Variants in DACH2 observed in about 807,000 individuals in gnomAD.
DACH2 encodes dachshund homolog 2.
DACH2 carries 17 observed loss-of-function variants against 35.8 expected under a neutral mutation model. That is an observed-to-expected ratio of 0.48 (90% CI 0.33 to 0.71). The LOEUF is 0.71. Ranked by LOEUF, DACH2 falls within the 30% of genes least tolerant of loss-of-function variation. The probability of loss-of-function intolerance (pLI) is 0.02; values close to 1 mark genes in which losing one functional copy is unlikely to be tolerated. For synonymous variants in DACH2, 195 were observed against 177.3 expected, an observed-to-expected ratio of 1.10 and a Z score of -0.79; for missense variants, 469 against 472.7, an observed-to-expected ratio of 0.99 and a Z score of 0.07.
intron 3 of DACH2, among the ~76,000 whole-genome samples, chrX:86,641,118 C>T (rs1036245522): frequency 1.8e-5 from 2 of 111,727 alleles, no homozygotes; most frequent in Non-Finnish European, 3.8e-5. Flanking sequence ...CCTGGAATAA[C>T]AGAAATAGAA....
chrX:86,654,201 A>AC (rs1446876407), intron 4 of DACH2, among the ~76,000 whole-genome samples: 1 of 106,802 alleles, frequency 9.4e-6, no homozygotes, highest in Non-Finnish European at 1.9e-5. Context: ...AAAAAAAAAA[A>AC]AAAAAAAAAA....
At chrX:86,397,105 C>T (rs1411464582) in intron 2 of DACH2, among the ~76,000 whole-genome samples, 6 of 110,143 alleles carry the variant, frequency 5.4e-5, no homozygotes, top group Non-Finnish European at 9.5e-5. Flanking sequence ...AGGTCCTTCA[C>T]ATCCCTTGTA....
Position 86,702,163 on chromosome X carries a change from C to T in DACH2, c.931+6984C>T, listed in dbSNP as rs190236895. On this transcript the variant is annotated intron_variant, in intron 5 of 11. Transcript: ENST00000373125. ...GAACATGGAAATTAAACAATCTGCT[C>T]TTGAAAGATTTTTGGTTTGACAATA... is the stretch of plus-strand genomic sequence containing the variant. Among the ~76,000 whole-genome samples the T allele has an allele frequency of 3.6e-3, 404 of 111,637 alleles. 2 individuals are homozygous for T. Among genetic ancestry groups the T allele is most frequent in the African/African-American group, 0.012 (369 of 30,810 alleles).
chrX:86,372,779 G>T (rs1158068820), intron 1 of DACH2, among the ~76,000 whole-genome samples: 2 of 111,040 alleles, frequency 1.8e-5, no homozygotes, highest in African/African-American at 6.5e-5. Context: ...CTCAGGTAGA[G>T]AGCATAGTAC....
At chrX:86,379,085 A>T (rs1443725015) in intron 2 of DACH2, among the ~76,000 whole-genome samples, 2 of 111,274 alleles carry the variant, frequency 1.8e-5, no homozygotes, top group Non-Finnish European at 3.8e-5. Flanking sequence ...TTTAAAGTCC[A>T]ATTTATTTTG....
At chrX:86,574,180 G>C (rs1457258157) in intron 3 of DACH2, among the ~76,000 whole-genome samples, 3 of 110,947 alleles carry the variant, frequency 2.7e-5, no homozygotes, top group African/African-American at 9.8e-5. Flanking sequence ...AAATTGGGTG[G>C]AATTTGTTCT....
At chrX:86,650,702 G>A (rs752605857) in intron 3 of DACH2, among the ~76,000 whole-genome samples, 18 of 111,144 alleles carry the variant, frequency 1.6e-4, no homozygotes, top group Admixed American at 8.7e-4. Flanking sequence ...TTGGGGATCA[G>A]ATATATATTT....
At chrX:86,744,671 G>A (rs773508360) in intron 7 of DACH2, among the ~76,000 whole-genome samples, 1 of 111,598 alleles carries the variant, frequency 9.0e-6, no homozygotes, top group South Asian at 3.7e-4. Flanking sequence ...CTCAAAGTCT[G>A]CATGACCTGA....
At chrX:86,508,451 T>C (rs1257893780) in intron 2 of DACH2, among the ~76,000 whole-genome samples, 1 of 109,608 alleles carries the variant, frequency 9.1e-6, no homozygotes, top group East Asian at 2.9e-4. Context: ...TCCCAGCTAC[T>C]TGGGAGGCTG....
intron 1 of DACH2, among the ~76,000 whole-genome samples, chrX:86,255,630 C>A (rs192516471): frequency 9.0e-6 from 1 of 111,361 alleles, no homozygotes; most frequent in African/African-American, 3.3e-5. Flanking sequence ...AGCACACGAC[C>A]GTGTTTGTAG....
chrX:86,467,325 A>G (rs1275099945), intron 2 of DACH2, among the ~76,000 whole-genome samples: 2 of 111,196 alleles, frequency 1.8e-5, no homozygotes, highest in Non-Finnish European at 3.8e-5. Flanking sequence ...CTCTTTCCTA[A>G]AGCATACAAG....
At chrX:86,181,191 T>TCTATCTAG (rs895406813) in intron 1 of DACH2, among the ~76,000 whole-genome samples, 2 of 109,832 alleles carry the variant, frequency 1.8e-5, no homozygotes, top group African/African-American at 6.7e-5. Context: ...TATCTATCTA[T>TCTATCTAG]TTTTCAAATT....
intron 3 of DACH2, among the ~76,000 whole-genome samples, chrX:86,554,864 A>G (rs1233226648): frequency 8.9e-6 from 1 of 111,898 alleles, no homozygotes; most frequent in African/African-American, 3.2e-5. Context: ...TATGTGGTAT[A>G]TTTTTTAAAA....
At chrX:86,390,697 C>T (rs959002703) in intron 2 of DACH2, among the ~76,000 whole-genome samples, 2 of 110,179 alleles carry the variant, frequency 1.8e-5, no homozygotes, top group African/African-American at 6.6e-5. Context: ...TCAAGCGATT[C>T]TGCTGCCTCA....
In DACH2 at chrX:86,788,967, C is replaced by T. The variant is rs73512609; in HGVS notation, c.1241-23889C>T. On this transcript the variant is annotated intron_variant, in intron 7 of 11. Coordinates refer to ENST00000373125, the MANE Select transcript of DACH2 (RefSeq NM_053281.3). Reference sequence around the variant, plus strand: ...TTCTCCTGATTTGTCCTTACTTATACGGTTAGCTTTCCACTTTTTGAGAAT... The same window carrying T: ...TTCTCCTGATTTGTCCTTACTTATATGGTTAGCTTTCCACTTTTTGAGAAT... 2.7e-3 allele frequency among the ~76,000 whole-genome samples: 302 copies of T among 111,556 alleles called. 2 individuals carry two copies. Among genetic ancestry groups the T allele is most frequent in the African/African-American group, 9.0e-3 (276 of 30,701 alleles).
intron 3 of DACH2, among the ~76,000 whole-genome samples, chrX:86,605,011 G>C (rs1442135236): frequency 1.8e-5 from 2 of 111,390 alleles, no homozygotes; most frequent in African/African-American, 3.3e-5. Flanking sequence ...ATAATAACCT[G>C]ACTGACCTTA....
rs201784564 is a variant in DACH2 at position 86,253,186 on chromosome X, T to TA, written c.488+104087dup. On this transcript the variant is annotated intron_variant, in intron 1 of 11. Transcript: ENST00000373125. ...TTACAATAGCTGCAAAAAAATAAAT[T>TA]AAAAAAAAACTACATAGGAATATAC... is the stretch of plus-strand genomic sequence containing the variant. Among the ~76,000 whole-genome samples the TA allele has an allele frequency of 4.1e-3, 439 of 108,228 alleles. 4 individuals are homozygous for TA. Among genetic ancestry groups the TA allele is most frequent in the African/African-American group, 0.013 (383 of 29,841 alleles). The allele number at this position is 108,228 out of a possible 115,157, so 94.0% of individuals were successfully genotyped here. A position where few individuals can be genotyped will look rare whatever the true frequency, so the allele number is the denominator to read the frequency against.
intron 1 of DACH2, among the ~76,000 whole-genome samples, chrX:86,190,979 A>C (rs5968823): frequency 0.058 from 6,460 of 111,742 alleles, 496 homozygotes; most frequent in African/African-American, 0.2. Flanking sequence ...AATAAAAAGC[A>C]GATGCTAGCA....
chrX:86,470,177 A>T (rs756700967), intron 2 of DACH2, among the ~76,000 whole-genome samples: 6 of 111,052 alleles, frequency 5.4e-5, no homozygotes, highest in Non-Finnish European at 1.1e-4. Flanking sequence ...TGCATGGGGC[A>T]AGAATTATGA....
Sources: allele counts gnomAD v4.1 joint callset (sites outside exome capture counted in the v4.1 genomes callset), GRCh38; gene constraint gnomAD v4.1.1; transcripts MANE v1.5; gene names NCBI Gene and HGNC (gene_info 2026-07-23, HGNC 2026-07-21).